The following IL1RAPL2 variants were observed in gnomAD, a reference collection of about 807,000 sequenced individuals.
The protein encoded by IL1RAPL2 is X-linked interleukin-1 receptor accessory protein-like 2.
IL1RAPL2 carries 3 observed loss-of-function variants against 44.1 expected under a neutral mutation model. The ratio of observed to expected loss-of-function variants is 0.07; its 90% CI spans 0.03 to 0.18. The LOEUF is 0.18. IL1RAPL2 is among the 10% of genes least tolerant of loss of function. IL1RAPL2 has a pLI of 1.00. For missense variants in IL1RAPL2, 391 were observed against 496.4 expected (o/e 0.79, Z 2.02); for synonymous variants, 181 against 178.8 (o/e 1.01, Z -0.10).
chrX:105,355,701 G>A (rs1041043747), intron 5 of IL1RAPL2, among the ~76,000 whole-genome samples: 2 of 111,044 alleles, frequency 1.8e-5, no homozygotes, highest in African/African-American at 3.3e-5. Context: ...CTCTTATACT[G>A]TTGAGACTTT....
intron 3 of IL1RAPL2, chrX:105,219,542 C>T: frequency 8.3e-7 from 1 of 1,208,885 alleles, no homozygotes; most frequent in East Asian, 3.0e-5. Flanking sequence ...ATGGGGGCAG[C>T]CCCAGCCTCC....
intron 1 of IL1RAPL2, among the ~76,000 whole-genome samples, chrX:104,585,336 T>TTATATAA (rs1928521020): frequency 6.2e-4 from 11 of 17,645 alleles, no homozygotes; most frequent in African/African-American, 1.5e-3. Flanking sequence ...ATAATATATA[T>TTATATAA]TATATATTAT....
At chrX:105,219,344 A>G (rs1959854117) in intron 3 of IL1RAPL2, 6 of 1,211,404 alleles carry the variant, frequency 5.0e-6, no homozygotes, top group Non-Finnish European at 6.7e-6. Context: ...GCTCTGGACC[A>G]GGGGTTCGTG....
intron 2 of IL1RAPL2, among the ~76,000 whole-genome samples, chrX:105,071,590 A>G (rs188556364): frequency 8.9e-6 from 1 of 112,300 alleles, no homozygotes; most frequent in Non-Finnish European, 1.9e-5. Flanking sequence ...GAACAAAACC[A>G]GAAGCATCAT....
At chrX:105,678,996 T>G (rs1196078151) in intron 6 of IL1RAPL2, among the ~76,000 whole-genome samples, 1 of 110,612 alleles carries the variant, frequency 9.0e-6, no homozygotes, top group Non-Finnish European at 1.9e-5. Context: ...CCTCCAAATA[T>G]GTCAAGGAAT....
rs1268456075 is a variant in IL1RAPL2, at chrX:105,311,639, CACAT to C, written c.697+44100_697+44103del. On this transcript the variant is annotated intron_variant, in intron 5 of 10. Coordinates refer to ENST00000372582, the MANE Select transcript of IL1RAPL2 (RefSeq NM_017416.2). Reference sequence around the variant, plus strand: ...ACACACACACACACACACACACACACACATATATATATATATATACACACAGACA... The same window carrying C: ...ACACACACACACACACACACACACACATATATATATATATACACACAGACA... 9.9e-4 allele frequency among the ~76,000 whole-genome samples: 97 copies of C among 97,551 alleles called. 1 individual carries two copies. The Middle Eastern group carries it at 0.015, about 15-fold the overall frequency. The allele number at this position is 97,551 out of a possible 115,157, so 84.7% of individuals were successfully genotyped here. A position where few individuals can be genotyped will look rare whatever the true frequency, so the allele number is the denominator to read the frequency against.
At chrX:105,449,533 G>A (rs1411600892) in intron 5 of IL1RAPL2, among the ~76,000 whole-genome samples, 2 of 107,576 alleles carry the variant, frequency 1.9e-5, no homozygotes, top group African/African-American at 6.8e-5. Flanking sequence ...GCAGTGAGCC[G>A]AGATCGCGCC....
At chrX:104,843,716 G>C (rs1921969988) in intron 2 of IL1RAPL2, among the ~76,000 whole-genome samples, 1 of 108,956 alleles carries the variant, frequency 9.2e-6, no homozygotes, top group Admixed American at 9.9e-5. Context: ...CTCTCCATGA[G>C]TTGCACCCAC....
At chrX:104,568,483 G>A (rs1453758712) in intron 1 of IL1RAPL2, among the ~76,000 whole-genome samples, 1 of 111,949 alleles carries the variant, frequency 8.9e-6, no homozygotes, top group African/African-American at 3.2e-5. Flanking sequence ...CCAAGGTTTT[G>A]GCTTCATCTC....
At chrX:104,835,374 T>TA (rs752783202) in intron 2 of IL1RAPL2, among the ~76,000 whole-genome samples, 77 of 110,522 alleles carry the variant, frequency 7.0e-4, no homozygotes, top group South Asian at 3.5e-3. Flanking sequence ...TAAAAACTGA[T>TA]ACTATCAGGA....
chrX:105,255,630 T>C lies in IL1RAPL2; in HGVS notation c.544-11758T>C, dbSNP rs902487487. The stretch of plus-strand genomic sequence containing the variant: ...ATAGTTTGACTTCTTCTCTTCCTAT[T>C]TGGATGCCCTTTATTTCTTTATCTT... On this transcript the variant is annotated intron_variant, in intron 4 of 10. Transcript: ENST00000372582. Among the ~76,000 whole-genome samples the C allele has an allele frequency of 4.5e-5, 5 of 111,826 alleles. No homozygotes were observed. The East Asian group carries it at 8.5e-4, about 19-fold the overall frequency.
chrX:104,941,551 A>G (rs1486380267), intron 2 of IL1RAPL2, among the ~76,000 whole-genome samples: 2 of 109,907 alleles, frequency 1.8e-5, no homozygotes, highest in African/African-American at 6.6e-5. Flanking sequence ...GGGTTTTTTG[A>G]TTTTTTCTTG....
intron 2 of IL1RAPL2, among the ~76,000 whole-genome samples, chrX:104,834,108 C>G (rs1006007711): frequency 8.9e-6 from 1 of 111,778 alleles, no homozygotes; most frequent in African/African-American, 3.3e-5. Context: ...AAGGCACAGC[C>G]TGACCACTCC....
intron 2 of IL1RAPL2, among the ~76,000 whole-genome samples, chrX:104,810,992 C>T (rs1337081742): frequency 8.9e-6 from 1 of 111,821 alleles, no homozygotes; most frequent in African/African-American, 3.3e-5. Context: ...CATTTATTTA[C>T]ATTATCTGCC....
At chrX:105,679,702 A>ATCAT (rs750714726) in intron 6 of IL1RAPL2, among the ~76,000 whole-genome samples, 16 of 112,097 alleles carry the variant, frequency 1.4e-4, no homozygotes, top group Non-Finnish European at 2.8e-4. Context: ...GAGATGATGT[A>ATCAT]TCATTTCCCA....
intron 2 of IL1RAPL2, among the ~76,000 whole-genome samples, chrX:105,075,719 A>C (rs1197295259): frequency 7.2e-5 from 8 of 111,586 alleles, no homozygotes; most frequent in African/African-American, 2.6e-4. Flanking sequence ...TCAATTTCAG[A>C]GCCTGTTATT....
intron 2 of IL1RAPL2, among the ~76,000 whole-genome samples, chrX:105,022,788 G>A (rs1952058776): frequency 9.0e-6 from 1 of 110,840 alleles, no homozygotes; most frequent in Admixed American, 9.7e-5. Context: ...ACACTGTTCT[G>A]TCTCATGGAG....
intron 2 of IL1RAPL2, among the ~76,000 whole-genome samples, chrX:105,055,014 T>G (rs1369498865): frequency 7.1e-5 from 8 of 112,744 alleles, no homozygotes; most frequent in African/African-American, 2.6e-4. Flanking sequence ...TATATGTGAA[T>G]AGTTCACTGG....
At chrX:105,385,416 C>A (rs565865898) in intron 5 of IL1RAPL2, among the ~76,000 whole-genome samples, 1 of 110,980 alleles carries the variant, frequency 9.0e-6, no homozygotes, top group African/African-American at 3.3e-5. Flanking sequence ...TTATAAGGGG[C>A]AGAACTGAGA....
Sources: gnomAD v4.1 joint callset for allele counts (sites outside exome capture counted in the v4.1 genomes callset) on GRCh38, gnomAD v4.1.1 for gene constraint, MANE v1.5 for transcripts, NCBI Gene and HGNC (gene_info 2026-07-23, HGNC 2026-07-21) for gene names.